Variants in HYOU1 observed in about 807,000 individuals in gnomAD.
The protein encoded by HYOU1 is hypoxia up-regulated protein 1.
Under a neutral mutation model 120.5 loss-of-function variants are expected in HYOU1, and 40 were observed. That is an observed-to-expected ratio of 0.33 (90% CI 0.26 to 0.43). The LOEUF (loss-of-function observed/expected upper bound fraction) is 0.43, where lower values mean the gene tolerates loss of function less well. Among genes scored for constraint, HYOU1 ranks in the 20% least tolerant of loss-of-function variants. HYOU1 has a pLI of 1.00. For synonymous variants in HYOU1, 501 were observed against 479.4 expected (o/e 1.05, Z -0.59); for missense variants, 1,085 against 1,278.3 (o/e 0.85, Z 2.31).
Position 119,049,227 on chromosome 11 carries a change from A to T in HYOU1, c.1807-24T>A, listed in dbSNP as rs2133570853. On this transcript the variant is annotated intron_variant, in intron 16 of 25. Coordinates refer to ENST00000617285, the MANE Select transcript of HYOU1 (RefSeq NM_006389.5). ...TCCTGGGAAACACCACAGGCGCCCC[A>T]GGGAACGATCAGGAGCAGAGCCTCC... is the stretch of plus-strand genomic sequence containing the variant. 25,780 of 1,587,990 alleles carry T rather than the reference A, an allele frequency of 0.016. 258 individuals carry two copies. The highest frequency in any genetic ancestry group is 0.023 in the Middle Eastern group (137 of 5,904).
In HYOU1 at chr11:119,052,060, T is replaced by G. The variant is rs1349236410; in HGVS notation, c.1205+30A>C. The G allele has an allele frequency of 6.2e-7, 1 of 1,613,870 alleles. No individual in the cohort carries two copies. The highest frequency in any genetic ancestry group is 1.3e-5 in the African/African-American group (1 of 74,894). On this transcript the variant is annotated intron_variant, in intron 11 of 25. Coordinates refer to ENST00000617285, the MANE Select transcript of HYOU1 (RefSeq NM_006389.5). The surrounding 1 kb of genome is among the most constrained non-coding windows in gnomAD (Gnocchi z 5.0). Reference sequence around the variant, plus strand: ...CCCAAAGCCCTGCCCCAGGCAGAACTCAGCCAAGCGCTCTAGCCCCCACAC... The same window carrying G: ...CCCAAAGCCCTGCCCCAGGCAGAACGCAGCCAAGCGCTCTAGCCCCCACAC...
intron 15 of HYOU1, 54 bp from the exon 16 acceptor site, chr11:119,049,689 C>T: frequency 6.2e-7 from 1 of 1,607,396 alleles, no homozygotes; most frequent in Non-Finnish European, 8.5e-7. Flanking sequence ...GTGACTCCAC[C>T]TTCTAACCCA....
In HYOU1 at chr11:119,054,669, G is replaced by GGCT. The variant is rs1161715269; in HGVS notation, c.500_502dup (p.Gln167dup). The stretch of plus-strand genomic sequence containing the variant: ...CACGGTGATCACTGCATCCTTGATG[G>GGCT]GCTGCTCTACAGATGACAACAGAAA... On this transcript the variant is annotated inframe_insertion, in exon 7 of 26. Transcript: ENST00000617285. 1.2e-6 allele frequency: 2 copies of GGCT among 1,611,618 alleles called. No homozygotes were observed. The highest frequency in any genetic ancestry group is 1.7e-6 in the Non-Finnish European group (2 of 1,179,888).
In HYOU1 at chr11:119,055,190, G is replaced by C; in HGVS notation, c.414C>G (p.Ile138Met). The C allele has an allele frequency of 6.2e-7, 1 of 1,613,434 alleles. No individual in the cohort carries two copies. The highest frequency in any genetic ancestry group is 8.5e-7 in the Non-Finnish European group (1 of 1,179,504). The change falls in exon 5 of 26, where the codon ATC becomes ATG. Residue 138 changes from isoleucine (I) to methionine (M), a missense_variant. By Grantham distance (10) the Ile-to-Met change is conservative. Transcript: ENST00000617285. The surrounding 1 kb of genome is among the most constrained non-coding windows in gnomAD (Gnocchi z 4.0). Reference sequence around the variant, plus strand: ...TTCCCCAACAGAGCACTCACGAGCTGATCTGAAAGTGCACAGTCTGCCTCT... The same window carrying C: ...TTCCCCAACAGAGCACTCACGAGCTCATCTGAAAGTGCACAGTCTGCCTCT... ...DPQRQTVHFQ[I>M]SSQLQFSPEE...
In HYOU1 at chr11:119,045,100, G is replaced by A; in HGVS notation, c.*493C>T. Reference sequence around the variant, plus strand: ...GAGAAGCCCGCAGAGGGAGGAAAGAGCACAGATAGGCACTCAGAAACCAAA... The same window carrying A: ...GAGAAGCCCGCAGAGGGAGGAAAGAACACAGATAGGCACTCAGAAACCAAA... On this transcript the variant is annotated 3_prime_UTR_variant, in exon 26 of 26. Coordinates refer to ENST00000617285, the MANE Select transcript of HYOU1 (RefSeq NM_006389.5). 2.2e-6 allele frequency: 1 copy of A among 453,910 alleles called. No homozygotes were observed. Among genetic ancestry groups the A allele is most frequent in the Non-Finnish European group, 4.4e-6 (1 of 224,860 alleles). The allele number at this position is 453,910 out of a possible 1,614,324, so 28.1% of individuals were successfully genotyped here. A position where few individuals can be genotyped will look rare whatever the true frequency, so the allele number is the denominator to read the frequency against.
chr11:119,055,021 A>G lies in HYOU1; in HGVS notation c.459T>C (p.Val153=), dbSNP rs2133609482. The G allele has an allele frequency of 2.0e-4, 329 of 1,613,986 alleles. No homozygotes were observed. Among genetic ancestry groups the G allele is most frequent in the Non-Finnish European group, 2.6e-4 (304 of 1,180,026 alleles). The change falls in exon 6 of 26, where the codon GTT becomes GTC. Residue 153 remains valine, a synonymous_variant. Coordinates refer to ENST00000617285, the MANE Select transcript of HYOU1 (RefSeq NM_006389.5). The surrounding 1 kb of genome is among the most constrained non-coding windows in gnomAD (Gnocchi z 4.0). The part of the protein sequence containing the change: ...QFSPEEVLGM[V]LNYSRSLAED... ...CAGCTAGAGAACGAGAATAATTGAG[A>G]ACCATGCCCAACACTTCCTCAGGTG...
In HYOU1 at chr11:119,048,748, A is replaced by C; in HGVS notation, c.2131T>G (p.Leu711Val). 6.2e-7 allele frequency: 1 copy of C among 1,613,188 alleles called. No individual in the cohort carries two copies. The highest frequency in any genetic ancestry group is 8.5e-7 in the Non-Finnish European group (1 of 1,179,586). Reference sequence around the variant, plus strand: ...GACTGAGCCAGCTTATCCTCTGGCAAGTCAGGCAGGTCCAGAACAACCAGC... The same window carrying C: ...GACTGAGCCAGCTTATCCTCTGGCACGTCAGGCAGGTCCAGAACAACCAGC... ...VELVVLDLPD[L>V]PEDKLAQSVQ... The change falls in exon 18 of 26, where the codon TTG becomes GTG. Residue 711 changes from leucine (L) to valine (V), a missense_variant. Leu to Val is a conservative substitution (Grantham distance 32, BLOSUM62 1). Transcript: ENST00000617285. The surrounding 1 kb of genome is among the most constrained non-coding windows in gnomAD (Gnocchi z 4.7).
intron 22 of HYOU1, 90 bp from the exon 23 acceptor site, chr11:119,046,892 T>C (rs1272941231): frequency 4.6e-6 from 7 of 1,508,370 alleles, no homozygotes; most frequent in Non-Finnish European, 5.3e-6. Flanking sequence ...AACCAGCCTC[T>C]TCCCTCAGAC....
Position 119,055,313 on chromosome 11 carries a change from T to A in HYOU1, c.291A>T (p.Leu97=). 1 of 1,613,802 alleles carries A rather than the reference T, an allele frequency of 6.2e-7. No homozygotes were observed. The highest frequency in any genetic ancestry group is 8.5e-7 in the Non-Finnish European group (1 of 1,179,800). Reference sequence around the variant, plus strand: ...TCCCCAGGAGGTGCTGGAAGTAACGTAGCGTAGCCTTTGGATTCTTAATCG... The same window carrying A: ...TCCCCAGGAGGTGCTGGAAGTAACGAAGCGTAGCCTTTGGATTCTTAATCG... ...SMAIKNPKAT[L]RYFQHLLGKQ... The change falls in exon 5 of 26, where the codon CTA becomes CTT. Residue 97 remains leucine, a synonymous_variant. Transcript: ENST00000617285. This position sits in a 1 kb window ranked among gnomAD's most constrained non-coding sequence, Gnocchi z 4.0.
At chr11:119,054,353 C>A in intron 7 of HYOU1, 117 bp from the exon 8 acceptor site, 1 of 1,202,282 alleles carries the variant, frequency 8.3e-7, no homozygotes, top group South Asian at 1.3e-5. Context: ...TAAACAGCTC[C>A]AACAGGGGCT....
Position 119,052,777 on chromosome 11 carries a change from G to A in HYOU1, c.847C>T (p.Leu283=). The change falls in exon 9 of 26, where the codon CTG becomes TTG. Residue 283 remains leucine, a synonymous_variant. Transcript: ENST00000617285. The surrounding 1 kb of genome is among the most constrained non-coding windows in gnomAD (Gnocchi z 5.0). ...CGCTGCTCATTGAAAAGCCCAGCCA[G>A]GCGTTCTCGAAGCCGGAGCTCCATC... The part of the protein sequence containing the change: ...LEMELRLRER[L]AGLFNEQRKG... 6.2e-7 allele frequency: 1 copy of A among 1,614,212 alleles called. No individual in the cohort carries two copies. The highest frequency in any genetic ancestry group is 8.5e-7 in the Non-Finnish European group (1 of 1,180,030).
chr11:119,046,918 C>A, intron 22 of HYOU1, 116 bp from the exon 23 acceptor site: 1 of 1,365,844 alleles, frequency 7.3e-7, no homozygotes, highest in African/African-American at 1.4e-5. Context: ...ATCACTGCCA[C>A]CCCTGGCCTC....
intron 6 of HYOU1, 93 bp downstream of exon 6, chr11:119,054,891 A>C (rs1944660542): frequency 7.5e-7 from 1 of 1,339,120 alleles, no homozygotes; most frequent in African/African-American, 1.5e-5. Context: ...ATGTTGCTAA[A>C]TGTTCCCTGG....
chr11:119,046,578 C>T lies in HYOU1; in HGVS notation c.2820G>A (p.Lys940=), dbSNP rs1944090748. The T allele has an allele frequency of 7.4e-6, 12 of 1,613,764 alleles. No homozygotes were observed. The highest frequency in any genetic ancestry group is 1.0e-5 in the Non-Finnish European group (12 of 1,179,736). The change falls in exon 23 of 26, where the codon AAG becomes AAA. Residue 940 remains lysine (K), a synonymous_variant. Transcript: ENST00000617285. ...TGTTCTCACCTGCTGGAGGGATGAC[C>T]TTCTCCCCCTGGTCACTGGCACTGG... ...LNASASDQGE[K]VIPPAGQTED...
Position 119,051,695 on chromosome 11 carries a change from G to A in HYOU1, c.1339-70C>T, listed in dbSNP as rs2133587326. The A allele has an allele frequency of 1.9e-6, 3 of 1,597,266 alleles. No homozygotes were observed. The highest frequency in any genetic ancestry group is 2.2e-5 in the East Asian group (1 of 44,700). ...CCCGAGTAGGTTCTGGGGTAAGGAT[G>A]GGGGTGGGATGGGGGAGACCTCTTA... is the stretch of plus-strand genomic sequence containing the variant. On this transcript the variant is annotated intron_variant, in intron 12 of 25. Transcript: ENST00000617285. This position sits in a 1 kb window ranked among gnomAD's most constrained non-coding sequence, Gnocchi z 4.2.
At chr11:119,050,345 G>A (rs2133578424) in intron 14 of HYOU1, among the ~76,000 whole-genome samples, 11 of 152,008 alleles carry the variant, frequency 7.2e-5, no homozygotes, top group East Asian at 3.9e-4. Flanking sequence ...CCCGGGAGGC[G>A]GAGGTTGCAA....
chr11:119,052,190 G>A lies in HYOU1; in HGVS notation c.1123-18C>T. ...ATCTCATCCTGCAGTGGGTAAGAAT[G>A]ACAGGTGCAACAGCATGCAGTTAGC... On this transcript the variant is annotated intron_variant, in intron 10 of 25. Transcript: ENST00000617285. This position sits in a 1 kb window ranked among gnomAD's most constrained non-coding sequence, Gnocchi z 5.0. 6.2e-7 allele frequency: 1 copy of A among 1,614,046 alleles called. No individual in the cohort carries two copies. The highest frequency in any genetic ancestry group is 8.5e-7 in the Non-Finnish European group (1 of 1,179,946).
At chr11:119,050,133 C>T (rs1422407479) in intron 14 of HYOU1, among the ~76,000 whole-genome samples, 2 of 152,154 alleles carry the variant, frequency 1.3e-5, no homozygotes, top group Admixed American at 6.6e-5. Context: ...GATTCCTGGC[C>T]GAGTGCAGTG....
chr11:119,046,829 A>G (rs2133553661), intron 22 of HYOU1, 27 bp from the exon 23 acceptor site: 3 of 1,596,526 alleles, frequency 1.9e-6, no homozygotes, highest in South Asian at 1.1e-5. Context: ...GAGAGGCTCC[A>G]AGCTAGCCAT....
Sources: allele counts gnomAD v4.1 joint callset (sites outside exome capture counted in the v4.1 genomes callset), GRCh38; gene constraint gnomAD v4.1.1; non-coding constraint Gnocchi (gnomAD v3.1); transcripts MANE v1.5; gene names NCBI Gene and HGNC (gene_info 2026-07-23, HGNC 2026-07-21).